The following IMMP2L variants were observed in gnomAD, a reference collection of about 807,000 sequenced individuals.
IMMP2L encodes the protein mitochondrial inner membrane protease subunit 2.
In IMMP2L, 18 loss-of-function variants were observed where a neutral mutation model predicts 19.3. That is an observed-to-expected ratio of 0.93 (90% CI 0.64 to 1.38). IMMP2L has a LOEUF of 1.38. IMMP2L is among the 40% of genes most tolerant of loss of function. The probability of loss-of-function intolerance (pLI) is 0.00; values close to 1 mark genes in which losing one functional copy is unlikely to be tolerated. For synonymous variants in IMMP2L, 76 were observed against 73.0 expected (o/e 1.04, Z -0.21); for missense variants, 233 against 218.2 (o/e 1.07, Z -0.43).
chr7:111,260,666 T>C (rs1817219502), intron 3 of IMMP2L, among the ~76,000 whole-genome samples: 1 of 152,166 alleles, frequency 6.6e-6, no homozygotes, highest in Non-Finnish European at 1.5e-5. Context: ...TTAATCATAC[T>C]GGGTTGTGGT....
At chr7:111,141,136 G>C (rs999593956) in intron 3 of IMMP2L, among the ~76,000 whole-genome samples, 1 of 152,074 alleles carries the variant, frequency 6.6e-6, no homozygotes, top group Admixed American at 6.6e-5. Flanking sequence ...GGGGTGACTG[G>C]GGATGGAGAA....
intron 3 of IMMP2L, among the ~76,000 whole-genome samples, chr7:111,342,612 T>C (rs2130801888): frequency 1.3e-5 from 2 of 151,990 alleles, no homozygotes; most frequent in African/African-American, 2.4e-5. Flanking sequence ...ATAAAGGTCA[T>C]ATACAATTTT....
At chr7:110,990,882 T>G (rs1305171961) in intron 3 of IMMP2L, among the ~76,000 whole-genome samples, 1 of 152,180 alleles carries the variant, frequency 6.6e-6, no homozygotes, top group Non-Finnish European at 1.5e-5. Flanking sequence ...AATGGCAAAA[T>G]CTGAAGTGTT....
At chr7:111,426,865 G>C (rs919279303) in intron 3 of IMMP2L, among the ~76,000 whole-genome samples, 1 of 151,016 alleles carries the variant, frequency 6.6e-6, no homozygotes, top group Non-Finnish European at 1.5e-5. Context: ...TTAATAAATA[G>C]TAGTAATTAA....
intron 5 of IMMP2L, among the ~76,000 whole-genome samples, chr7:110,830,926 C>G (rs1033478579): frequency 1.3e-5 from 2 of 152,134 alleles, no homozygotes; most frequent in African/African-American, 4.8e-5. Context: ...AGGCTTAGAA[C>G]AACTCAAGTC....
chr7:111,408,651 A>G (rs565784288), intron 3 of IMMP2L, among the ~76,000 whole-genome samples: 28 of 151,938 alleles, frequency 1.8e-4, no homozygotes, highest in Non-Finnish European at 3.1e-4. Context: ...GCAGTAAGCC[A>G]ATATGAATGA....
At chr7:111,466,721 A>C (rs1026505318) in intron 3 of IMMP2L, among the ~76,000 whole-genome samples, 1 of 152,288 alleles carries the variant, frequency 6.6e-6, no homozygotes, top group Non-Finnish European at 1.5e-5. Context: ...ACATCCATGG[A>C]TTCAGCCAAA....
chr7:111,420,215 ATACT>A (rs1376147147), intron 3 of IMMP2L, among the ~76,000 whole-genome samples: 1 of 151,856 alleles, frequency 6.6e-6, no homozygotes, highest in Non-Finnish European at 1.5e-5. Flanking sequence ...TAGAAATTAA[ATACT>A]TAAGTTGGTC....
intron 5 of IMMP2L, among the ~76,000 whole-genome samples, chr7:110,853,740 T>A (rs569691801): frequency 5.9e-5 from 9 of 152,164 alleles, no homozygotes; most frequent in African/African-American, 1.9e-4. Context: ...AACACATGAT[T>A]TTGAATTACA....
At chr7:110,695,550 G>C (rs73208721) in intron 5 of IMMP2L, among the ~76,000 whole-genome samples, 3,650 of 152,128 alleles carry the variant, frequency 0.024, 56 homozygotes, top group Middle Eastern at 0.068. Context: ...CCTCAATAAT[G>C]AGAATAATAA....
intron 3 of IMMP2L, among the ~76,000 whole-genome samples, chr7:110,970,605 C>A (rs74408883): frequency 6.6e-6 from 1 of 152,024 alleles, no homozygotes. Context: ...AAATGAAGGA[C>A]GTGAATGCTA....
At chr7:110,771,833 TC>T (rs1048233796) in intron 5 of IMMP2L, among the ~76,000 whole-genome samples, 1 of 152,078 alleles carries the variant, frequency 6.6e-6, no homozygotes, top group Non-Finnish European at 1.5e-5. Context: ...TCTTATAACC[TC>T]CACTTTACAG....
chr7:111,312,243 T>C (rs145989496), intron 3 of IMMP2L, among the ~76,000 whole-genome samples: 2,482 of 152,258 alleles, frequency 0.016, 50 homozygotes, highest in Middle Eastern at 0.082. Flanking sequence ...AGATGAAGCA[T>C]AGAGGAAACT....
At chr7:111,281,943 A>T (rs1033487593) in intron 3 of IMMP2L, among the ~76,000 whole-genome samples, 2 of 152,298 alleles carry the variant, frequency 1.3e-5, no homozygotes, top group East Asian at 3.9e-4. Flanking sequence ...ATGTAGCATA[A>T]TTGTTGCTAA....
At chr7:111,263,284 G>T (rs1020742838) in intron 3 of IMMP2L, among the ~76,000 whole-genome samples, 3 of 152,084 alleles carry the variant, frequency 2.0e-5, no homozygotes, top group Non-Finnish European at 4.4e-5. Context: ...AAGTTAGTGA[G>T]AAGTACCTGT....
intron 3 of IMMP2L, among the ~76,000 whole-genome samples, chr7:111,243,854 T>C (rs1196942681): frequency 9.7e-5 from 1 of 10,270 alleles, no homozygotes; most frequent in Non-Finnish European, 1.9e-4. Context: ...ACTCATCATT[T>C]TTTATGGCTG....
chr7:111,322,871 A>C (rs983587659), intron 3 of IMMP2L, among the ~76,000 whole-genome samples: 1 of 151,806 alleles, frequency 6.6e-6, no homozygotes, highest in Non-Finnish European at 1.5e-5. Flanking sequence ...ATGCATCTAT[A>C]TTTTATATCA....
intron 3 of IMMP2L, among the ~76,000 whole-genome samples, chr7:111,465,490 C>G (rs1459941875): frequency 7.8e-6 from 1 of 128,856 alleles, no homozygotes; most frequent in Non-Finnish European, 1.6e-5. Flanking sequence ...GTGTTTGAGA[C>G]CAGGTGTCAC....
At chr7:110,933,878 C>T (rs1052388662) in intron 4 of IMMP2L, among the ~76,000 whole-genome samples, 9 of 152,068 alleles carry the variant, frequency 5.9e-5, no homozygotes, top group Non-Finnish European at 1.3e-4. Flanking sequence ...TTGTCTTTTG[C>T]TAGCTTTTGA....
Sources: gnomAD v4.1 joint callset for allele counts (sites outside exome capture counted in the v4.1 genomes callset) on GRCh38, gnomAD v4.1.1 for gene constraint, MANE v1.5 for transcripts, NCBI Gene and HGNC (gene_info 2026-07-23, HGNC 2026-07-21) for gene names.